DBF4B: variants seen among roughly 807,000 people sequenced by gnomAD.
The protein encoded by DBF4B is DBF4B-CDC7 kinase regulatory subunit, also known as protein DBF4 homolog B.
In DBF4B, 49 loss-of-function variants were observed where a neutral mutation model predicts 53.4. The observed-to-expected ratio is 0.92, with a 90% CI of 0.73 to 1.16. The LOEUF is 1.16. DBF4B is among the 50% of genes most tolerant of loss of function. The pLI, the probability that DBF4B is intolerant of heterozygous loss-of-function variation, is 0.00. For missense variants in DBF4B, 692 were observed against 775.0 expected (o/e 0.89, Z 1.27); for synonymous variants, 257 against 288.7 (o/e 0.89, Z 1.11).
chr17:44,712,808 C>G (rs909027048), intron 2 of DBF4B, among the ~76,000 whole-genome samples: 2 of 151,484 alleles, frequency 1.3e-5, no homozygotes, highest in African/African-American at 4.9e-5. Context: ...CTCTTGGGCT[C>G]AAGTGATCTG....
intron 2 of DBF4B, 39 bp downstream of exon 2, chr17:44,709,405 T>A (rs1972660967): frequency 1.2e-6 from 2 of 1,612,010 alleles, no homozygotes; most frequent in Non-Finnish European, 1.7e-6. Context: ...GAGGTGAAAA[T>A]TGCCCCAGGG....
chr17:44,711,186 A>G (rs1972835224), intron 2 of DBF4B, among the ~76,000 whole-genome samples: 1 of 151,810 alleles, frequency 6.6e-6, no homozygotes, highest in Non-Finnish European at 1.5e-5. Flanking sequence ...GGGTTCCACC[A>G]TGTTGGTCAG....
At chr17:44,729,683 T>TACATAC (rs1974654337) in intron 3 of DBF4B, among the ~76,000 whole-genome samples, 1 of 138,178 alleles carries the variant, frequency 7.2e-6, no homozygotes, top group Admixed American at 7.4e-5. Flanking sequence ...GTAATACACA[T>TACATAC]ACACACACAC....
intron 7 of DBF4B, among the ~76,000 whole-genome samples, chr17:44,735,780 C>T (rs770673715): frequency 7.2e-5 from 11 of 152,114 alleles, no homozygotes; most frequent in South Asian, 4.1e-4. Context: ...TGTGTTTGCC[C>T]CCAAGGTGTG....
chr17:44,751,337 C>T lies in DBF4B; in HGVS notation c.*84C>T, dbSNP rs1365419610. The T allele has an allele frequency of 8.6e-6, 13 of 1,509,502 alleles. No individual in the cohort carries two copies. Among genetic ancestry groups the T allele is most frequent in the Admixed American group, 4.2e-5 (2 of 47,570 alleles). 93.5% of individuals were successfully genotyped at this position (1,509,502 alleles called of 1,614,324 possible). On this transcript the variant is annotated 3_prime_UTR_variant, in exon 14 of 14. Transcript: ENST00000315005. ...ATGAGGTCCCGCAGTGGCTCCTTGGCGTGAGCACTGCTCAGACTCCTTTCC... is the reference window on the plus strand; with the variant it reads ...ATGAGGTCCCGCAGTGGCTCCTTGGTGTGAGCACTGCTCAGACTCCTTTCC...
At position 44,747,154 on chromosome 17, in the gene DBF4B, G is replaced by T. The variant is rs776093221; in HGVS notation, c.902G>T (p.Cys301Phe). 13 of 1,614,120 alleles carry T rather than the reference G, an allele frequency of 8.1e-6. No individual in the cohort carries two copies. Among genetic ancestry groups the T allele is most frequent in the South Asian group, 3.3e-5 (3 of 91,096 alleles). ...HTMPRRKKGY[C>F]ECCQEAFEEL... ...ATGCCCAGGAGGAAGAAAGGCTACT[G>T]CGAGTGCTGTCAGGAGGCCTTCGAG... Residue 301 changes from cysteine (C) to phenylalanine (F), a missense_variant, in exon 11 of 14, where the codon TGC becomes TTC. By Grantham distance (205) the Cys-to-Phe change is radical. Transcript: ENST00000315005.
intron 3 of DBF4B, among the ~76,000 whole-genome samples, chr17:44,725,947 C>G (rs1468039049): frequency 6.6e-6 from 1 of 151,972 alleles, no homozygotes; most frequent in Non-Finnish European, 1.5e-5. Flanking sequence ...CTCAGCCTCC[C>G]AAAGTACTGG....
intron 3 of DBF4B, among the ~76,000 whole-genome samples, chr17:44,723,263 C>T (rs1056168369): frequency 5.9e-5 from 9 of 152,156 alleles, no homozygotes; most frequent in East Asian, 3.9e-4. Context: ...CACACCACCA[C>T]GTCTGGCTAA....
chr17:44,719,929 G>A (rs190792783), intron 2 of DBF4B: 16 of 206,776 alleles, frequency 7.7e-5, no homozygotes, highest in Non-Finnish European at 1.1e-4. Flanking sequence ...TGTGTCAAAG[G>A]TCTCACCTTC....
intron 10 of DBF4B, among the ~76,000 whole-genome samples, chr17:44,746,053 CA>C (rs61654485): frequency 0.011 from 1,236 of 110,618 alleles, 18 homozygotes; most frequent in African/African-American, 0.022. Context: ...ACTAAAAATA[CA>C]AAAAAAAAAA....
chr17:44,732,363 C>A, intron 6 of DBF4B, 98 bp downstream of exon 6: 3 of 1,268,948 alleles, frequency 2.4e-6, no homozygotes, highest in South Asian at 1.4e-5. Flanking sequence ...AGCTTCTGGT[C>A]ACCGGAAGCC....
chr17:44,752,052 T>G lies in DBF4B; in HGVS notation c.*799T>G, dbSNP rs2049287267. 6.9e-7 allele frequency: 1 copy of G among 1,451,074 alleles called. No homozygotes were observed. Among genetic ancestry groups the G allele is most frequent in the Non-Finnish European group, 9.3e-7 (1 of 1,069,922 alleles). The allele number at this position is 1,451,074 out of a possible 1,614,324, so 89.9% of individuals were successfully genotyped here. A position where few individuals can be genotyped will look rare whatever the true frequency, so the allele number is the denominator to read the frequency against. On this transcript the variant is annotated 3_prime_UTR_variant, in exon 14 of 14. Coordinates refer to ENST00000315005, the MANE Select transcript of DBF4B (RefSeq NM_145663.3). Reference sequence around the variant, plus strand: ...GGCCTTTGTTCTTGCCTCTTCTCGCTGAGCCTTTCACTTCTCGGCAGATGT... The same window carrying G: ...GGCCTTTGTTCTTGCCTCTTCTCGCGGAGCCTTTCACTTCTCGGCAGATGT...
intron 7 of DBF4B, among the ~76,000 whole-genome samples, chr17:44,734,441 G>A (rs757473038): frequency 1.3e-5 from 2 of 152,172 alleles, no homozygotes; most frequent in Non-Finnish European, 2.9e-5. Context: ...CCCTACAGTA[G>A]TTCTGGACCA....
chr17:44,710,237 C>T lies in DBF4B; in HGVS notation c.82+871C>T, dbSNP rs374062643. Among the ~76,000 whole-genome samples the T allele has an allele frequency of 2.6e-5, 4 of 152,292 alleles. No homozygotes were observed. In the East Asian group the frequency reaches 5.8e-4, roughly 22 times the overall value. ...GGATTGTTAACAGATATGCCATCGG[C>T]TTGTTGCCTTTTAAACAGTAATCCA... On this transcript the variant is annotated intron_variant, in intron 2 of 13. Coordinates refer to ENST00000315005, the MANE Select transcript of DBF4B (RefSeq NM_145663.3).
intron 2 of DBF4B, among the ~76,000 whole-genome samples, chr17:44,712,301 C>CTTTTTTTTTTTTTTTTTTTT (rs1163777667): frequency 5.6e-5 from 4 of 71,934 alleles, no homozygotes; most frequent in Non-Finnish European, 9.5e-5. Flanking sequence ...ATTATGTCTT[C>CTTTTTTTTTTTTTTTTTTTT]TTTTTTTTTT....
intron 3 of DBF4B, 87 bp from the exon 4 acceptor site, chr17:44,729,818 A>C (rs969313271): frequency 7.0e-7 from 1 of 1,437,976 alleles, no homozygotes; most frequent in African/African-American, 1.4e-5. Context: ...AACTCCTGGC[A>C]GCCAAGATTT....
At chr17:44,734,233 TCCATG>T in intron 7 of DBF4B, 70 bp downstream of exon 7, 1 of 1,590,492 alleles carries the variant, frequency 6.3e-7, no homozygotes, top group Non-Finnish European at 8.6e-7. Context: ...CTTAGGTAAA[TCCATG>T]GCCCACCCAA....
At chr17:44,712,024 G>A (rs910342554) in intron 2 of DBF4B, among the ~76,000 whole-genome samples, 1 of 151,218 alleles carries the variant, frequency 6.6e-6, no homozygotes, top group African/African-American at 2.4e-5. Context: ...TTGAACCCAG[G>A]AGGTGGAGGT....
Position 44,750,777 on chromosome 17 carries a change from A to T in DBF4B, c.1372A>T (p.Thr458Ser). ...PASFTQSHLVTSLALLPGEWS... is the reference protein window; with the variant it reads ...PASFTQSHLVSSLALLPGEWS... Reference sequence around the variant, plus strand: ...CTCCTTTACCCAGTCTCATCTGGTCACTTCCTTGGCTCTGCTGCCTGGGGA... The same window carrying T: ...CTCCTTTACCCAGTCTCATCTGGTCTCTTCCTTGGCTCTGCTGCCTGGGGA... Residue 458 changes from threonine to serine, a missense_variant, in exon 14 of 14, where the codon ACT becomes TCT. Physicochemically the swap from Thr to Ser is moderately conservative, Grantham distance 58 (BLOSUM62 1). Coordinates refer to ENST00000315005, the MANE Select transcript of DBF4B (RefSeq NM_145663.3). 4 of 1,614,144 alleles carry T rather than the reference A, an allele frequency of 2.5e-6. No homozygotes were observed. Among genetic ancestry groups the T allele is most frequent in the Non-Finnish European group, 3.4e-6 (4 of 1,180,014 alleles).
Sources: gnomAD v4.1 joint callset for allele counts (sites outside exome capture counted in the v4.1 genomes callset) on GRCh38, gnomAD v4.1.1 for gene constraint, MANE v1.5 for transcripts, NCBI Gene and HGNC (gene_info 2026-07-23, HGNC 2026-07-21) for gene names.